Variants in LDB2 observed in about 807,000 individuals in gnomAD.
LDB2 encodes LIM domain-binding protein 2.
A neutral mutation model predicts 44.3 loss-of-function variants in LDB2; 12 were observed. The ratio of observed to expected loss-of-function variants is 0.27; its 90% CI spans 0.17 to 0.44. The LOEUF (loss-of-function observed/expected upper bound fraction) is 0.44, where lower values mean the gene tolerates loss of function less well. LDB2 is among the 20% of genes least tolerant of loss of function. The pLI is 1.00. For missense variants in LDB2, 344 were observed against 473.5 expected (o/e 0.73, Z 2.54); for synonymous variants, 164 against 174.8 (o/e 0.94, Z 0.49).
chr4:16,623,333 C>G (rs933699532), intron 2 of LDB2, among the ~76,000 whole-genome samples: 2 of 152,206 alleles, frequency 1.3e-5, no homozygotes, highest in Admixed American at 6.5e-5. Flanking sequence ...CGCAGTGGCT[C>G]ACGCCTGTAA....
chr4:16,784,594 C>A (rs1046811370), intron 1 of LDB2, among the ~76,000 whole-genome samples: 1 of 152,150 alleles, frequency 6.6e-6, no homozygotes, highest in African/African-American at 2.4e-5. Context: ...GCTGTGTGAA[C>A]CAAGAATGCT....
intron 2 of LDB2, among the ~76,000 whole-genome samples, chr4:16,653,482 T>G (rs1374096132): frequency 6.6e-6 from 1 of 152,150 alleles, no homozygotes; most frequent in African/African-American, 2.4e-5. Flanking sequence ...AAAAGTAAGG[T>G]GTTAATATTG....
chr4:16,730,518 T>G (rs2108913710), intron 2 of LDB2, among the ~76,000 whole-genome samples: 1 of 152,266 alleles, frequency 6.6e-6, no homozygotes, highest in African/African-American at 2.4e-5. Flanking sequence ...TACCTAAAAT[T>G]TGCAGAGTAT....
intron 2 of LDB2, among the ~76,000 whole-genome samples, chr4:16,735,340 G>A (rs549328154): frequency 1.3e-5 from 2 of 151,904 alleles, no homozygotes; most frequent in Non-Finnish European, 1.5e-5. Flanking sequence ...GGCAGGCTGC[G>A]TTCTCCTCCC....
intron 5 of LDB2, among the ~76,000 whole-genome samples, chr4:16,553,016 T>C (rs1227376319): frequency 6.6e-6 from 1 of 152,150 alleles, no homozygotes; most frequent in East Asian, 1.9e-4. Flanking sequence ...ACATCCAGTG[T>C]AGACAACACA....
intron 1 of LDB2, among the ~76,000 whole-genome samples, chr4:16,844,286 T>C (rs1786507620): frequency 7.6e-6 from 1 of 131,232 alleles, no homozygotes; most frequent in African/African-American, 2.9e-5. Flanking sequence ...GATCTATCAA[T>C]GGTGAGTCAC....
intron 5 of LDB2, among the ~76,000 whole-genome samples, chr4:16,575,498 T>G (rs1747970083): frequency 6.6e-6 from 1 of 152,234 alleles, no homozygotes; most frequent in Admixed American, 6.5e-5. Context: ...GGCTGTAGAA[T>G]GCACATTCTT....
rs1405776195 is a variant in LDB2 at position 16,505,886 on chromosome 4, TCTC to T, written c.891+2646_891+2648del. 19 of 1,551,362 alleles carry T rather than the reference TCTC, an allele frequency of 1.2e-5. No individual in the cohort carries two copies. The East Asian group carries it at 4.6e-4, about 38-fold the overall frequency. Reference sequence around the variant, plus strand: ...ACTCCTTTCAGGGCCCCTCAATGCTTCTCCTTAAATTGGCCAGAAGGGGTCACT... The same window carrying T: ...ACTCCTTTCAGGGCCCCTCAATGCTTCTTAAATTGGCCAGAAGGGGTCACT... On this transcript the variant is annotated intron_variant, in intron 7 of 7. Coordinates refer to ENST00000304523, the MANE Select transcript of LDB2 (RefSeq NM_001290.5).
At chr4:16,513,421 G>C (rs1048654235) in intron 5 of LDB2, among the ~76,000 whole-genome samples, 25 of 152,194 alleles carry the variant, frequency 1.6e-4, no homozygotes, top group African/African-American at 6.0e-4. Flanking sequence ...GAAACCATCT[G>C]CTTCTAAGTC....
intron 1 of LDB2, among the ~76,000 whole-genome samples, chr4:16,779,276 G>A (rs1383008823): frequency 6.6e-6 from 1 of 152,186 alleles, no homozygotes; most frequent in Non-Finnish European, 1.5e-5. Flanking sequence ...ACCACAGGAT[G>A]TCTGATCTCC....
At chr4:16,542,711 A>T (rs1036679884) in intron 5 of LDB2, among the ~76,000 whole-genome samples, 3 of 141,072 alleles carry the variant, frequency 2.1e-5, no homozygotes, top group African/African-American at 8.7e-5. Context: ...CTAAACTCTA[A>T]ATAATGCTCA....
chr4:16,751,553 C>T (rs569362593), intron 2 of LDB2, among the ~76,000 whole-genome samples: 4 of 152,132 alleles, frequency 2.6e-5, no homozygotes, highest in East Asian at 1.9e-4. Context: ...CTATCAATTG[C>T]GGGCTTTCTC....
intron 1 of LDB2, among the ~76,000 whole-genome samples, chr4:16,852,301 G>C (rs1580231556): frequency 6.6e-6 from 1 of 152,114 alleles, no homozygotes; most frequent in African/African-American, 2.4e-5. Context: ...CATGACTAGG[G>C]AGGAAGGAAA....
chr4:16,606,328 G>A (rs1723922898), intron 2 of LDB2, among the ~76,000 whole-genome samples: 1 of 152,150 alleles, frequency 6.6e-6, no homozygotes, highest in Non-Finnish European at 1.5e-5. Flanking sequence ...GGACATCAGA[G>A]ATTGTTTTAC....
At chr4:16,586,520 ACAC>A (rs1189956693) in intron 4 of LDB2, among the ~76,000 whole-genome samples, 1 of 86,558 alleles carries the variant, frequency 1.2e-5, no homozygotes, top group African/African-American at 4.2e-5. Context: ...ACACACACAC[ACAC>A]ACAAAACACA....
rs1004078296 is a variant in LDB2 at position 16,869,661 on chromosome 4, A to G, written c.132+28693T>C. On this transcript the variant is annotated intron_variant, in intron 1 of 7. Transcript: ENST00000304523. ...AGTACTTGGGCCTGAAATCAAAACC[A>G]CTGCACCATGGGTGTTTCTAAAATT... Among the ~76,000 whole-genome samples the G allele has an allele frequency of 3.3e-5, 5 of 152,230 alleles. No homozygotes were observed. The East Asian group carries it at 7.7e-4, about 24-fold the overall frequency.
At chr4:16,594,484 C>T (rs1046803635) in intron 3 of LDB2, among the ~76,000 whole-genome samples, 13 of 152,134 alleles carry the variant, frequency 8.5e-5, no homozygotes, top group East Asian at 1.9e-4. Flanking sequence ...AAAGAAAAAC[C>T]CTACCCTTTC....
chr4:16,738,012 G>T (rs1425673332), intron 2 of LDB2, among the ~76,000 whole-genome samples: 1 of 152,114 alleles, frequency 6.6e-6, no homozygotes, highest in Non-Finnish European at 1.5e-5. Context: ...CCTGTCTATA[G>T]GTGTTATTGA....
chr4:16,512,088 T>C lies in LDB2; in HGVS notation c.632A>G (p.Glu211Gly). 1 of 1,612,332 alleles carries C rather than the reference T, an allele frequency of 6.2e-7. No homozygotes were observed. The highest frequency in any genetic ancestry group is 8.5e-7 in the Non-Finnish European group (1 of 1,178,996). Residue 211 changes from glutamate to glycine, a missense_variant, in exon 6 of 8, where the codon GAG (glutamate) becomes GGG (glycine). Physicochemically the swap from Glu to Gly is moderately conservative, Grantham distance 98. Around this residue, in one of 3 missense-constraint regions of LDB2, gnomAD observed 226 missense variants for 270.1 expected, o/e 0.84. Coordinates refer to ENST00000304523, the MANE Select transcript of LDB2 (RefSeq NM_001290.5). ...LNYLRLCVIL[E>G]PMQELMSRHK... ...TCTCGACATCAGTTCCTGCATTGGC[T>C]CCAATATTACACACAACTGCAAGAA... is the stretch of plus-strand genomic sequence containing the variant.
Sources: allele counts gnomAD v4.1 joint callset (sites outside exome capture counted in the v4.1 genomes callset), GRCh38; gene constraint gnomAD v4.1.1; regional missense constraint gnomAD v4.1.1; transcripts MANE v1.5; gene names NCBI Gene and HGNC (gene_info 2026-07-23, HGNC 2026-07-21).